The following PDE3B variants were observed in gnomAD, a reference collection of about 807,000 sequenced individuals.
The protein encoded by PDE3B is cGMP-inhibited 3',5'-cyclic phosphodiesterase 3B.
A neutral mutation model predicts 116.8 loss-of-function variants in PDE3B; 66 were observed. The observed-to-expected ratio is 0.56, with a 90% CI of 0.46 to 0.69. The LOEUF is 0.69. Ranked by LOEUF, PDE3B falls within the 30% of genes least tolerant of loss-of-function variation. The pLI, the probability that PDE3B is intolerant of heterozygous loss-of-function variation, is 0.00. For missense variants in PDE3B, 1,384 were observed against 1,368.1 expected (o/e 1.01, Z -0.18); for synonymous variants, 595 against 533.6 (o/e 1.12, Z -1.59).
rs549476172 is a variant in PDE3B at position 14,740,966 on chromosome 11, CTGTT to C, written c.979-30966_979-30963del. On this transcript the variant is annotated intron_variant, in intron 1 of 15. Transcript: ENST00000282096. ...TTTGATTGCACTGTGGCCTGAGAAA[CTGTT>C]TGTTATGATTTCCATTCTTATTCAT... Among the ~76,000 whole-genome samples the C allele has an allele frequency of 9.1e-4, 139 of 152,146 alleles. 1 individual carries two copies. The highest frequency in any genetic ancestry group is 3.3e-3 in the African/African-American group (136 of 41,512).
chr11:14,827,626 A>G (rs759542618), intron 7 of PDE3B, among the ~76,000 whole-genome samples: 2 of 152,174 alleles, frequency 1.3e-5, no homozygotes, highest in South Asian at 2.1e-4. Context: ...AAAGACCTCT[A>G]CAATGAGAAT....
intron 1 of PDE3B, among the ~76,000 whole-genome samples, chr11:14,696,032 G>T (rs1449888749): frequency 6.6e-6 from 1 of 152,148 alleles, no homozygotes; most frequent in Non-Finnish European, 1.5e-5. Flanking sequence ...TAAGTAATGG[G>T]ATTGCTGGGT....
intron 1 of PDE3B, among the ~76,000 whole-genome samples, chr11:14,728,047 A>AG (rs1174418657): frequency 6.6e-6 from 1 of 152,100 alleles, no homozygotes; most frequent in Non-Finnish European, 1.5e-5. Context: ...TATTATAGAA[A>AG]GATCTATCAT....
At chr11:14,790,079 T>C (rs1004903639) in intron 4 of PDE3B, among the ~76,000 whole-genome samples, 1 of 152,064 alleles carries the variant, frequency 6.6e-6, no homozygotes, top group East Asian at 1.9e-4. Flanking sequence ...AAACAGTAGA[T>C]GGCAGGATTG....
chr11:14,880,480 T>G, the PDE3B span: 1 of 1,613,534 alleles, frequency 6.2e-7, no homozygotes, highest in Non-Finnish European at 8.5e-7. Context: ...GGCAGCTAGT[T>G]CCACATTTTC....
chr11:14,726,495 A>G (rs1055613586), intron 1 of PDE3B, among the ~76,000 whole-genome samples: 3 of 152,192 alleles, frequency 2.0e-5, no homozygotes, highest in African/African-American at 4.8e-5. Context: ...TAGCATATAA[A>G]TGGTCATTTA....
intron 2 of PDE3B, chr11:14,772,371 G>A (rs2133898848): frequency 6.5e-6 from 1 of 152,834 alleles, no homozygotes; most frequent in African/African-American, 2.4e-5. Context: ...AAGCAAAGCA[G>A]TTGGCAACAT....
chr11:14,819,730 T>C (rs1182193052), intron 7 of PDE3B, among the ~76,000 whole-genome samples: 3 of 151,926 alleles, frequency 2.0e-5, no homozygotes, highest in Non-Finnish European at 4.4e-5. Context: ...CTAGAAAAGG[T>C]GGATGAATTA....
chr11:14,870,531 A>T lies in PDE3B; in HGVS notation c.*871A>T, dbSNP rs1555008899. ...AGCACAGATTTGTTAGAAGAAAAAA[A>T]ATTTGCTGTAATACCAAAACTAACC... On this transcript the variant is annotated 3_prime_UTR_variant, in exon 16 of 16. Coordinates refer to ENST00000282096, the MANE Select transcript of PDE3B (RefSeq NM_000922.4). The surrounding 1 kb of genome is among the most constrained non-coding windows in gnomAD (Gnocchi z 4.1). The T allele has an allele frequency of 6.6e-6, 1 of 152,630 alleles. No homozygotes were observed. The highest frequency in any genetic ancestry group is 1.5e-5 in the Non-Finnish European group (1 of 68,040). The allele number at this position is 152,630 out of a possible 1,614,324, so 9.5% of individuals were successfully genotyped here.
intron 1 of PDE3B, among the ~76,000 whole-genome samples, chr11:14,758,946 A>G (rs1424328475): frequency 6.6e-6 from 1 of 152,006 alleles, no homozygotes; most frequent in Non-Finnish European, 1.5e-5. Flanking sequence ...CGTCCCATCA[A>G]TACCTAATTT....
intron 1 of PDE3B, among the ~76,000 whole-genome samples, chr11:14,662,007 A>T (rs1565078281): frequency 6.6e-6 from 1 of 152,140 alleles, no homozygotes; most frequent in Non-Finnish European, 1.5e-5. Flanking sequence ...TGCCTCCTCA[A>T]GTGGGTCCCT....
rs536179007 is a variant in PDE3B at position 14,750,922 on chromosome 11, G to T, written c.979-21015G>T. 3.9e-5 allele frequency among the ~76,000 whole-genome samples: 6 copies of T among 152,212 alleles called. No homozygotes were observed. In the East Asian group the frequency reaches 1.2e-3, roughly 29 times the overall value. ...AGACTGATCACACTAGTTGGAATTAGTCCATCTTTTGATTCTAGCCTGGTC... is the reference window on the plus strand; with the variant it reads ...AGACTGATCACACTAGTTGGAATTATTCCATCTTTTGATTCTAGCCTGGTC... On this transcript the variant is annotated intron_variant, in intron 1 of 15. Transcript: ENST00000282096.
the PDE3B span, chr11:14,880,481 C>T: frequency 1.2e-6 from 2 of 1,613,454 alleles, no homozygotes; most frequent in African/African-American, 2.7e-5. Context: ...GCAGCTAGTT[C>T]CACATTTTCA....
chr11:14,794,486 G>T (rs1443011708), intron 4 of PDE3B, among the ~76,000 whole-genome samples: 1 of 151,874 alleles, frequency 6.6e-6, no homozygotes. Context: ...GCTAATTTTT[G>T]TATTTTTAGT....
In PDE3B at chr11:14,818,257, T is replaced by C. The variant is rs879194296; in HGVS notation, c.1597T>C (p.Ser533Pro). The stretch of plus-strand genomic sequence containing the variant: ...GTCTACTGGCTCTCTAACTAATCGA[T>C]CACCCATAGAATTTCCTGATACTGC... Reference protein sequence around the residue: ...PVSTGSLTNRSPIEFPDTADF... With the variant: ...PVSTGSLTNRPPIEFPDTADF... The change falls in exon 6 of 16, where the codon TCA becomes CCA. Residue 533 changes from serine to proline, a missense_variant. Coordinates refer to ENST00000282096, the MANE Select transcript of PDE3B (RefSeq NM_000922.4). 3.7e-6 allele frequency: 6 copies of C among 1,613,628 alleles called. No homozygotes were observed. In the South Asian group the frequency reaches 6.6e-5, roughly 18 times the overall value.
intron 1 of PDE3B, among the ~76,000 whole-genome samples, chr11:14,680,797 T>C (rs987571224): frequency 6.6e-6 from 1 of 150,822 alleles, no homozygotes; most frequent in African/African-American, 2.4e-5. Context: ...AAAAAAGGAA[T>C]GGACATTTTT....
intron 7 of PDE3B, among the ~76,000 whole-genome samples, chr11:14,819,879 T>G (rs1486064669): frequency 1.3e-5 from 2 of 152,054 alleles, no homozygotes; most frequent in African/African-American, 4.8e-5. Flanking sequence ...GTATGCCAAT[T>G]CCACAGAGAC....
At chr11:14,695,491 G>C (rs575577440) in intron 1 of PDE3B, among the ~76,000 whole-genome samples, 1 of 152,024 alleles carries the variant, frequency 6.6e-6, no homozygotes, top group South Asian at 2.1e-4. Context: ...TGAGTCATAG[G>C]GTAGGTATAT....
At chr11:14,730,092 C>A (rs917254477) in intron 1 of PDE3B, among the ~76,000 whole-genome samples, 17 of 152,166 alleles carry the variant, frequency 1.1e-4, no homozygotes, top group Admixed American at 3.3e-4. Flanking sequence ...TGAACACTCA[C>A]TTGCCCCTCA....
Sources: allele counts gnomAD v4.1 joint callset (sites outside exome capture counted in the v4.1 genomes callset), GRCh38; gene constraint gnomAD v4.1.1; non-coding constraint Gnocchi (gnomAD v3.1); transcripts MANE v1.5; gene names NCBI Gene and HGNC (gene_info 2026-07-23, HGNC 2026-07-21).